The following ADAM23 variants were observed in gnomAD, a reference collection of about 807,000 sequenced individuals.
The protein encoded by ADAM23 is disintegrin and metalloproteinase domain-containing protein 23.
Under a neutral mutation model 120.1 loss-of-function variants are expected in ADAM23, and 33 were observed. That is an observed-to-expected ratio of 0.27 (90% CI 0.21 to 0.37). The LOEUF (loss-of-function observed/expected upper bound fraction) is 0.37, where lower values mean the gene tolerates loss of function less well. Ranked by LOEUF, ADAM23 falls within the 10% of genes least tolerant of loss-of-function variation. The pLI, the probability that ADAM23 is intolerant of heterozygous loss-of-function variation, is 1.00. For synonymous variants in ADAM23, 367 were observed against 375.2 expected, an observed-to-expected ratio of 0.98 and a Z score of 0.25; for missense variants, 862 against 1,058.2, an observed-to-expected ratio of 0.81 and a Z score of 2.57.
At chr2:206,520,908 A>T (rs1696830027) in intron 3 of ADAM23, among the ~76,000 whole-genome samples, 1 of 152,012 alleles carries the variant, frequency 6.6e-6, no homozygotes, top group African/African-American at 2.4e-5. Flanking sequence ...CATATCACTG[A>T]TGCCCCAGCT....
At chr2:206,539,853 A>T (rs754003027) in intron 4 of ADAM23, among the ~76,000 whole-genome samples, 4 of 152,200 alleles carry the variant, frequency 2.6e-5, no homozygotes, top group Non-Finnish European at 4.4e-5. Context: ...ATTTAGTAAT[A>T]AAAAAATCAG....
intron 8 of ADAM23, among the ~76,000 whole-genome samples, chr2:206,549,774 T>G (rs897579667): frequency 5.9e-5 from 9 of 152,044 alleles, no homozygotes; most frequent in Admixed American, 5.2e-4. Flanking sequence ...TTTATTTATT[T>G]TAACATAATT....
At chr2:206,519,699 A>G (rs1297218567) in intron 3 of ADAM23, among the ~76,000 whole-genome samples, 1 of 152,162 alleles carries the variant, frequency 6.6e-6, no homozygotes. Flanking sequence ...TGTGACAATT[A>G]CTTAAACATA....
intron 3 of ADAM23, among the ~76,000 whole-genome samples, chr2:206,496,239 A>G (rs1028996586): frequency 2.0e-5 from 3 of 152,184 alleles, no homozygotes; most frequent in African/African-American, 7.2e-5. Context: ...AAAATTGACC[A>G]CATAGTTGGA....
chr2:206,491,491 G>T (rs1696134051), intron 3 of ADAM23, among the ~76,000 whole-genome samples: 1 of 152,154 alleles, frequency 6.6e-6, no homozygotes, highest in South Asian at 2.1e-4. Context: ...GATAAAAGGA[G>T]ACCCTTTGCG....
At chr2:206,531,832 G>A (rs1391805217) in intron 4 of ADAM23, among the ~76,000 whole-genome samples, 2 of 152,188 alleles carry the variant, frequency 1.3e-5, no homozygotes, top group East Asian at 1.9e-4. Context: ...CACCTTTCCC[G>A]TATGTGGACT....
intron 3 of ADAM23, among the ~76,000 whole-genome samples, chr2:206,526,141 TACACACACACACACACACAC>T (rs59684611): frequency 1.4e-5 from 2 of 145,682 alleles, no homozygotes; most frequent in East Asian, 2.1e-4. Context: ...TTCCAACAAA[TACACACACACACACACACAC>T]ACACACACAC....
intron 4 of ADAM23, among the ~76,000 whole-genome samples, chr2:206,532,026 T>C (rs141542311): frequency 1.3e-5 from 2 of 152,318 alleles, no homozygotes; most frequent in East Asian, 1.9e-4. Flanking sequence ...AACTTTCATG[T>C]ATCATTCTTA....
At chr2:206,510,682 T>C (rs1696605285) in intron 3 of ADAM23, among the ~76,000 whole-genome samples, 1 of 152,186 alleles carries the variant, frequency 6.6e-6, no homozygotes, top group African/African-American at 2.4e-5. Flanking sequence ...TTGGGAAGTG[T>C]TTGAAGAATA....
intron 3 of ADAM23, among the ~76,000 whole-genome samples, chr2:206,528,401 C>A (rs915509747): frequency 1.3e-5 from 2 of 152,178 alleles, no homozygotes; most frequent in Non-Finnish European, 2.9e-5. Flanking sequence ...AGACATACCA[C>A]AATTTAGTTT....
intron 2 of ADAM23, 53 bp downstream of exon 2, chr2:206,445,577 G>T: frequency 6.8e-7 from 1 of 1,470,496 alleles, no homozygotes; most frequent in Non-Finnish European, 9.2e-7. Flanking sequence ...GTTTTCCTTT[G>T]ATTTGATTTT....
chr2:206,468,373 C>T (rs1695584381), intron 2 of ADAM23, among the ~76,000 whole-genome samples: 2 of 152,166 alleles, frequency 1.3e-5, no homozygotes, highest in African/African-American at 4.8e-5. Context: ...ATCTTGAACA[C>T]CACTGCTTAG....
chr2:206,464,884 T>C (rs1290316404), intron 2 of ADAM23, among the ~76,000 whole-genome samples: 3 of 152,042 alleles, frequency 2.0e-5, no homozygotes, highest in Non-Finnish European at 4.4e-5. Flanking sequence ...AGGTCAATAG[T>C]GCTGAGGTAG....
Position 206,560,078 on chromosome 2 carries a change from C to A in ADAM23, c.1129C>A (p.Gln377Lys), listed in dbSNP as rs997817531. The A allele has an allele frequency of 1.9e-6, 3 of 1,614,020 alleles. No homozygotes were observed. Among genetic ancestry groups the A allele is most frequent in the Admixed American group, 3.3e-5 (2 of 60,014 alleles). ...QMLHEFSKYR[Q>K]RIKQHADAVH... ...GCTCCATGAGTTCTCAAAATACCGGCAGCGCATTAAGCAGCATGCTGATGC... is the reference window on the plus strand; with the variant it reads ...GCTCCATGAGTTCTCAAAATACCGGAAGCGCATTAAGCAGCATGCTGATGC... Residue 377 changes from glutamine (Q) to lysine (K), a missense_variant, in exon 11 of 26, where the codon CAG (glutamine) becomes AAG (lysine). Coordinates refer to ENST00000264377, the MANE Select transcript of ADAM23 (RefSeq NM_003812.4).
intron 3 of ADAM23, among the ~76,000 whole-genome samples, chr2:206,527,054 TG>T (rs1696961004): frequency 6.6e-6 from 1 of 152,310 alleles, no homozygotes; most frequent in South Asian, 2.1e-4. Flanking sequence ...ACAGATAACC[TG>T]CATGAGAAGC....
At chr2:206,566,114 A>G (rs1211215774) in intron 14 of ADAM23, among the ~76,000 whole-genome samples, 1 of 151,478 alleles carries the variant, frequency 6.6e-6, no homozygotes, top group Non-Finnish European at 1.5e-5. Context: ...TTGGTTCTAT[A>G]GGGAGATGTC....
At chr2:206,481,416 C>A in intron 3 of ADAM23, 108 bp downstream of exon 3, 1 of 771,636 alleles carries the variant, frequency 1.3e-6, no homozygotes, top group Non-Finnish European at 2.0e-6. Flanking sequence ...TATTTTCTAG[C>A]AGATTATTAT....
At position 206,444,072 on chromosome 2, in the gene ADAM23, C is replaced by A; in HGVS notation, c.206C>A (p.Ala69Glu). 1 of 1,364,526 alleles carries A rather than the reference C, an allele frequency of 7.3e-7. No individual in the cohort carries two copies. Among genetic ancestry groups the A allele is most frequent in the South Asian group, 1.7e-5 (1 of 57,240 alleles). 84.5% of individuals were successfully genotyped at this position (1,364,526 alleles called of 1,614,324 possible). ...SSRPRAWGAA[A>E]PSAPHWNETA... ...CGGCCCCGCGCCTGGGGGGCTGCTG[C>A]GCCCAGCGGTGGGTATGGCCCCGTG... Residue 69 changes from alanine to glutamate, a missense_variant, in exon 1 of 26, where the codon GCG (alanine) becomes GAG (glutamate). Ala to Glu is a moderately radical substitution (Grantham distance 107, BLOSUM62 -1). Coordinates refer to ENST00000264377, the MANE Select transcript of ADAM23 (RefSeq NM_003812.4).
intron 25 of ADAM23, among the ~76,000 whole-genome samples, chr2:206,614,110 A>G (rs1698888090): frequency 6.6e-6 from 1 of 152,180 alleles, no homozygotes; most frequent in Admixed American, 6.5e-5. Context: ...AGTGGATTTC[A>G]TCAGTGGCCA....
Sources: gnomAD v4.1 joint callset for allele counts (sites outside exome capture counted in the v4.1 genomes callset) on GRCh38, gnomAD v4.1.1 for gene constraint, MANE v1.5 for transcripts, NCBI Gene and HGNC (gene_info 2026-07-23, HGNC 2026-07-21) for gene names.